The following MYOM2 variants were observed in gnomAD, a reference collection of about 807,000 sequenced individuals.
MYOM2 encodes the protein myomesin-2.
A neutral mutation model predicts 187.6 loss-of-function variants in MYOM2; 254 were observed. That is an observed-to-expected ratio of 1.35 (90% CI 1.22 to 1.50). MYOM2 has a LOEUF of 1.50. Among genes scored for constraint, MYOM2 ranks in the 40% most tolerant of loss-of-function variants. The pLI is 0.00. For synonymous variants in MYOM2, 981 were observed against 753.8 expected (o/e 1.30, Z -4.94); for missense variants, 2,796 against 1,924.0 (o/e 1.45, Z -8.48).
intron 6 of MYOM2, among the ~76,000 whole-genome samples, chr8:2,059,643 A>G (rs1818786132): frequency 1.3e-5 from 2 of 152,206 alleles, no homozygotes; most frequent in African/African-American, 4.8e-5. Flanking sequence ...TATGAAATGT[A>G]GACAAATAAA....
At chr8:2,066,153 C>G (rs549616204) in intron 6 of MYOM2, among the ~76,000 whole-genome samples, 1 of 152,144 alleles carries the variant, frequency 6.6e-6, no homozygotes, top group Non-Finnish European at 1.5e-5. Context: ...CTGGTCCAGC[C>G]GGGTCACATC....
At chr8:2,088,749 A>C (rs184602884) in intron 14 of MYOM2, among the ~76,000 whole-genome samples, 1 of 152,358 alleles carries the variant, frequency 6.6e-6, no homozygotes, top group African/African-American at 2.4e-5. Context: ...CTTCTGGTAG[A>C]ATGGTTTATT....
At chr8:2,093,529 G>A (rs1174765124) in intron 16 of MYOM2, among the ~76,000 whole-genome samples, 1 of 152,168 alleles carries the variant, frequency 6.6e-6, no homozygotes, top group East Asian at 1.9e-4. Flanking sequence ...TAAGGAGGTT[G>A]ATTAAGACCA....
intron 16 of MYOM2, among the ~76,000 whole-genome samples, chr8:2,093,697 C>G (rs186371697): frequency 1.3e-5 from 2 of 152,304 alleles, no homozygotes; most frequent in Admixed American, 6.5e-5. Flanking sequence ...TAATAGACCT[C>G]TGATCCAGAG....
At chr8:2,114,510 G>T (rs1274362513) in intron 25 of MYOM2, among the ~76,000 whole-genome samples, 1 of 152,144 alleles carries the variant, frequency 6.6e-6, no homozygotes, top group Non-Finnish European at 1.5e-5. Flanking sequence ...GTCTCACTCT[G>T]TTGCCCAGGC....
chr8:2,060,222 C>A (rs1818806646), intron 6 of MYOM2, among the ~76,000 whole-genome samples: 2 of 152,108 alleles, frequency 1.3e-5, no homozygotes. Flanking sequence ...AACCTGACTG[C>A]CTGTTTTTGA....
chr8:2,096,196 A>G, intron 17 of MYOM2, 51 bp from the exon 18 acceptor site: 4 of 1,564,920 alleles, frequency 2.6e-6, no homozygotes, highest in Non-Finnish European at 2.6e-6. Context: ...CCCCGGGGAC[A>G]AAGCCCCCAG....
chr8:2,105,976 C>T (rs928995239), intron 21 of MYOM2, among the ~76,000 whole-genome samples: 11 of 152,144 alleles, frequency 7.2e-5, no homozygotes, highest in Non-Finnish European at 8.8e-5. Flanking sequence ...CTTCACAGGG[C>T]GGCAGGACAG....
chr8:2,053,037 G>T (rs1038236894), intron 3 of MYOM2, among the ~76,000 whole-genome samples: 1 of 152,178 alleles, frequency 6.6e-6, no homozygotes, highest in Non-Finnish European at 1.5e-5. Flanking sequence ...ACAGTTAAAC[G>T]TTCGCGGGTG....
chr8:2,051,396 G>A (rs1452957799), intron 2 of MYOM2, among the ~76,000 whole-genome samples: 1 of 152,082 alleles, frequency 6.6e-6, no homozygotes, highest in Non-Finnish European at 1.5e-5. Flanking sequence ...CATACAGGAT[G>A]GCAGCTCACG....
At position 2,123,600 on chromosome 8, in the gene MYOM2, G is replaced by C. The variant is rs761936301; in HGVS notation, c.3613G>C (p.Asp1205His). 6 of 1,614,188 alleles carry C rather than the reference G, an allele frequency of 3.7e-6. No homozygotes were observed. In the South Asian group the frequency reaches 5.5e-5, roughly 15 times the overall value. The change falls in exon 30 of 37, where the codon GAC becomes CAC. Residue 1205 changes from aspartate (D) to histidine (H), a missense_variant. Asp to His is a moderately conservative substitution (Grantham distance 81). Transcript: ENST00000262113. Reference protein sequence around the residue: ...HGEYKATLKDDRGQDVSILEI... With the variant: ...HGEYKATLKDHRGQDVSILEI... ...TGAATACAAGGCAACCTTGAAAGAT[G>C]ACAGAGGCCAAGATGTGTCCATCCT... is the stretch of plus-strand genomic sequence containing the variant.
At chr8:2,048,443 G>A (rs1218235398) in intron 1 of MYOM2, among the ~76,000 whole-genome samples, 2 of 152,232 alleles carry the variant, frequency 1.3e-5, no homozygotes, top group Non-Finnish European at 2.9e-5. Flanking sequence ...CTGCATCTGG[G>A]GAGATTTCAA....
intron 32 of MYOM2, among the ~76,000 whole-genome samples, chr8:2,130,569 A>G (rs897978620): frequency 4.6e-5 from 7 of 152,224 alleles, no homozygotes; most frequent in African/African-American, 1.7e-4. Context: ...AAGAGTTGAA[A>G]GCATGTATGT....
chr8:2,074,896 C>T (rs533727479), intron 10 of MYOM2, among the ~76,000 whole-genome samples: 14 of 152,334 alleles, frequency 9.2e-5, no homozygotes, highest in East Asian at 1.9e-4. Context: ...AGCGCTCCTG[C>T]GCCATGTAGC....
chr8:2,092,576 G>A, intron 16 of MYOM2, 56 bp downstream of exon 16: 1 of 1,574,520 alleles, frequency 6.4e-7, no homozygotes, highest in East Asian at 2.3e-5. Flanking sequence ...CAAGACCGTT[G>A]AGGTCCCTGT....
At chr8:2,141,658 T>C (rs954658560) in intron 34 of MYOM2, among the ~76,000 whole-genome samples, 4 of 152,070 alleles carry the variant, frequency 2.6e-5, no homozygotes, top group African/African-American at 9.7e-5. Context: ...ATCTCAGGGT[T>C]GGAATGTTTT....
chr8:2,078,586 ACAAGT>A, intron 11 of MYOM2, 143 bp from the exon 12 acceptor site: 1 of 669,770 alleles, frequency 1.5e-6, no homozygotes, highest in South Asian at 1.8e-5. Context: ...GTTTATCTAT[ACAAGT>A]CAATATCTTA....
At chr8:2,091,519 C>T (rs1411013028) in intron 15 of MYOM2, among the ~76,000 whole-genome samples, 1 of 152,210 alleles carries the variant, frequency 6.6e-6, no homozygotes, top group Non-Finnish European at 1.5e-5. Context: ...ACGGGAGGCA[C>T]ATTGGTGTCA....
chr8:2,128,563 C>T (rs1484536346), intron 31 of MYOM2, among the ~76,000 whole-genome samples: 1 of 152,186 alleles, frequency 6.6e-6, no homozygotes, highest in African/African-American at 2.4e-5. Flanking sequence ...CTACCTCAAG[C>T]GAATTAGTCT....
Sources: gnomAD v4.1 joint callset for allele counts (sites outside exome capture counted in the v4.1 genomes callset) on GRCh38, gnomAD v4.1.1 for gene constraint, MANE v1.5 for transcripts, NCBI Gene and HGNC (gene_info 2026-07-23, HGNC 2026-07-21) for gene names.